The following DNASE1 variants were observed in gnomAD, a reference collection of about 807,000 sequenced individuals.
The protein encoded by DNASE1 is deoxyribonuclease-1.
DNASE1 carries 40 observed loss-of-function variants against 33.9 expected under a neutral mutation model. The observed-to-expected ratio is 1.18, with a 90% CI of 0.92 to 1.54. The LOEUF (loss-of-function observed/expected upper bound fraction) is 1.54. DNASE1 is among the 40% of genes most tolerant of loss of function. DNASE1 has a pLI of 0.00. For synonymous variants in DNASE1, 216 were observed against 160.0 expected (o/e 1.35, Z -2.64); for missense variants, 518 against 372.6 (o/e 1.39, Z -3.21).
intron 1 of DNASE1, among the ~76,000 whole-genome samples, chr16:3,618,338 G>T (rs71388530): frequency 4.5e-4 from 68 of 152,160 alleles, no homozygotes; most frequent in Non-Finnish European, 1.0e-4. Flanking sequence ...TGGTACAGCT[G>T]CTGTGGGAAA....
intron 2 of DNASE1, 116 bp downstream of exon 2, chr16:3,655,636 G>C: frequency 6.6e-7 from 1 of 1,516,736 alleles, no homozygotes. Flanking sequence ...GAGCACCACT[G>C]CTCCCAGCAC....
chr16:3,662,762 C>A (rs1159258337), downstream of DNASE1: 1 of 934,826 alleles, frequency 1.1e-6, no homozygotes, highest in East Asian at 2.6e-5. Flanking sequence ...CCACCTGACA[C>A]CAAGGGCTTC....
chr16:3,661,389 C>G (rs2043065104), downstream of DNASE1: 1 of 152,086 alleles, frequency 6.6e-6, no homozygotes, highest in African/African-American at 2.4e-5. Flanking sequence ...CTGGGGGGTT[C>G]TCGGTGCACC....
downstream of DNASE1, chr16:3,662,791 A>C: frequency 8.1e-7 from 1 of 1,230,764 alleles, no homozygotes; most frequent in Non-Finnish European, 1.2e-6. Flanking sequence ...CTGGAAGGAC[A>C]CCCAACGGGC....
chr16:3,641,988 A>G (rs559493547), upstream of DNASE1, among the ~76,000 whole-genome samples: 45 of 152,288 alleles, frequency 3.0e-4, no homozygotes, highest in Admixed American at 6.5e-4. Flanking sequence ...CTCAGACCCG[A>G]GGGTCTGGCT....
chr16:3,664,412 G>T, exon 10 of DNASE1: 2 of 1,611,924 alleles, frequency 1.2e-6, no homozygotes, highest in Non-Finnish European at 1.7e-6. Flanking sequence ...TTAGCTGCCC[G>T]GAGGGCAGCG....
chr16:3,653,841 A>AAAAAAAG (rs781310896), upstream of DNASE1: 1 of 125,056 alleles, frequency 8.0e-6, no homozygotes, highest in Non-Finnish European at 1.7e-5. Context: ...AAAAAAAAAA[A>AAAAAAAG]CTGAGCATGG....
At position 3,612,600 on chromosome 16, in the gene DNASE1, G is replaced by GA. The variant is rs2040933086; in HGVS notation, c.-1359+595dup. On this transcript the variant is annotated intron_variant and NMD_transcript_variant, in intron 1 of 11. Transcript: ENST00000570769. ...AGACGGGCGGTGGGGGCGGGGGGGGGAGTCTCACTATGTTGCCCAGGCTGG... is the reference window on the plus strand; with the variant it reads ...AGACGGGCGGTGGGGGCGGGGGGGGGAAGTCTCACTATGTTGCCCAGGCTGG... 2.8e-5 allele frequency among the ~76,000 whole-genome samples: 4 copies of GA among 142,680 alleles called. No individual in the cohort carries two copies. In the South Asian group the frequency reaches 9.1e-4, roughly 33 times the overall value. 93.6% of individuals were successfully genotyped at this position (142,680 alleles called of 152,430 possible). A position where few individuals can be genotyped will look rare whatever the true frequency, so the allele number is the denominator to read the frequency against.
chr16:3,634,746 C>G (rs568953117), intron 1 of DNASE1, among the ~76,000 whole-genome samples: 2 of 151,254 alleles, frequency 1.3e-5, no homozygotes, highest in Non-Finnish European at 1.5e-5. Context: ...AACTCCTGGT[C>G]TTAAGAAGTC....
chr16:3,618,559 G>A (rs796607850), intron 1 of DNASE1, among the ~76,000 whole-genome samples: 10 of 152,260 alleles, frequency 6.6e-5, no homozygotes, highest in African/African-American at 2.2e-4. Flanking sequence ...GTGAAACCCC[G>A]TCTCTACTAA....
chr16:3,654,323 G>A, upstream of DNASE1: 1 of 398,692 alleles, frequency 2.5e-6, no homozygotes, highest in Non-Finnish European at 4.4e-6. Context: ...CACGGCGCTG[G>A]TGCTGCAGGC....
At chr16:3,654,532 G>A (rs976225789), upstream of DNASE1, 11 of 398,572 alleles carry the variant, frequency 2.8e-5, no homozygotes, top group African/African-American at 2.1e-4. Flanking sequence ...ACAAGAGACA[G>A]GGAGACTGGA....
intron 1 of DNASE1, among the ~76,000 whole-genome samples, chr16:3,619,554 G>T (rs1475552974): frequency 2.0e-5 from 3 of 147,584 alleles, no homozygotes; most frequent in East Asian, 2.0e-4. Flanking sequence ...GTAGAGACAG[G>T]GTTTCACCGT....
intron 1 of DNASE1, among the ~76,000 whole-genome samples, chr16:3,644,030 C>T (rs553416183): frequency 2.0e-5 from 3 of 152,240 alleles, no homozygotes; most frequent in Admixed American, 2.0e-4. Context: ...CGTCAGCCAC[C>T]GTGCCCGGCC....
At chr16:3,658,367 C>T (rs144695774), downstream of DNASE1, 6 of 684,562 alleles carry the variant, frequency 8.8e-6, no homozygotes, top group East Asian at 2.7e-5. Flanking sequence ...CTCAGGTGAT[C>T]CCCCCGCCTC....
chr16:3,659,661 A>C (rs1391455404), downstream of DNASE1: 1 of 152,180 alleles, frequency 6.6e-6, no homozygotes, highest in East Asian at 1.9e-4. Context: ...TCCAGAGGAC[A>C]ACTGGAGTCG....
At position 3,658,002 on chromosome 16, in the gene DNASE1, T is replaced by G; in HGVS notation, c.*49T>G. 1 of 1,612,586 alleles carries G rather than the reference T, an allele frequency of 6.2e-7. No individual in the cohort carries two copies. Among genetic ancestry groups the G allele is most frequent in the Non-Finnish European group, 8.5e-7 (1 of 1,179,244 alleles). On this transcript the variant is annotated 3_prime_UTR_variant, in exon 9 of 9. Coordinates refer to ENST00000246949, the MANE Select transcript of DNASE1 (RefSeq NM_005223.4). The stretch of plus-strand genomic sequence containing the variant: ...AACTGCAGGAAGAGAGGACCCATCC[T>G]GCCACAGGACCCAGAAAAAAAGCCC...
At chr16:3,629,794 G>C (rs541228660) in intron 1 of DNASE1, among the ~76,000 whole-genome samples, 2 of 151,708 alleles carry the variant, frequency 1.3e-5, no homozygotes, top group African/African-American at 4.9e-5. Context: ...TTGTGATTTA[G>C]TCTTGGTAGG....
chr16:3,659,612 A>C (rs1486524596), downstream of DNASE1: 1 of 152,172 alleles, frequency 6.6e-6, no homozygotes, highest in Non-Finnish European at 1.5e-5. Context: ...AGTCTGATAA[A>C]ACCGAGGGCT....
Sources: allele counts gnomAD v4.1 joint callset (sites outside exome capture counted in the v4.1 genomes callset), GRCh38; gene constraint gnomAD v4.1.1; transcripts MANE v1.5; gene names NCBI Gene and HGNC (gene_info 2026-07-23, HGNC 2026-07-21).